RNF128: variants seen among roughly 807,000 people sequenced by gnomAD.
RNF128 encodes the protein E3 ubiquitin-protein ligase RNF128.
RNF128 carries 13 observed loss-of-function variants against 26.2 expected under a neutral mutation model. The ratio of observed to expected loss-of-function variants is 0.50; its 90% CI spans 0.32 to 0.79. The LOEUF (loss-of-function observed/expected upper bound fraction) is 0.79, where lower values mean the gene tolerates loss of function less well. Among genes scored for constraint, RNF128 ranks in the 30% least tolerant of loss-of-function variants. The probability of loss-of-function intolerance (pLI) is 0.03; values close to 1 mark genes in which losing one functional copy is unlikely to be tolerated. For synonymous variants in RNF128, 149 were observed against 142.5 expected (o/e 1.05, Z -0.32); for missense variants, 315 against 349.7 (o/e 0.90, Z 0.79).
chrX:106,788,408 TA>T (rs1930716295), intron 4 of RNF128, among the ~76,000 whole-genome samples: 1 of 47,875 alleles, frequency 2.1e-5, no homozygotes, highest in Non-Finnish European at 3.4e-5. Flanking sequence ...ATATATAATA[TA>T]TAATATATAA....
chrX:106,771,523 G>A (rs1385249219), intron 1 of RNF128, among the ~76,000 whole-genome samples: 3 of 112,840 alleles, frequency 2.7e-5, no homozygotes, highest in Non-Finnish European at 3.8e-5. Flanking sequence ...AGCAGTGAGC[G>A]AGGCTCCATG....
At chrX:106,735,611 A>G (rs1373698696) in intron 1 of RNF128, among the ~76,000 whole-genome samples, 2 of 111,876 alleles carry the variant, frequency 1.8e-5, no homozygotes, top group Non-Finnish European at 3.8e-5. Flanking sequence ...ATACTCCAAA[A>G]TTATTGATAG....
intron 1 of RNF128, among the ~76,000 whole-genome samples, chrX:106,757,748 TA>T (rs201834617): frequency 0.013 from 1,384 of 110,160 alleles, 24 homozygotes; most frequent in African/African-American, 0.043. Context: ...AAAATAAATT[TA>T]AAAAAAACCC....
intron 1 of RNF128, among the ~76,000 whole-genome samples, chrX:106,768,468 A>G (rs1930296588): frequency 9.0e-6 from 1 of 111,719 alleles, no homozygotes; most frequent in Admixed American, 9.5e-5. Context: ...CGAGGAATTT[A>G]TCCATTTCTT....
intron 1 of RNF128, among the ~76,000 whole-genome samples, chrX:106,695,590 G>T (rs188997523): frequency 4.5e-5 from 5 of 111,937 alleles, no homozygotes; most frequent in Non-Finnish European, 9.4e-5. Context: ...GACACTGCAA[G>T]AGCTCAGACA....
chrX:106,774,390 T>G (rs1302970172), intron 2 of RNF128, among the ~76,000 whole-genome samples: 1 of 111,881 alleles, frequency 8.9e-6, no homozygotes, highest in Non-Finnish European at 1.9e-5. Context: ...TTTTTGTCTT[T>G]TGTATACTCA....
At chrX:106,729,795 T>C (rs978688877) in intron 1 of RNF128, among the ~76,000 whole-genome samples, 7 of 112,109 alleles carry the variant, frequency 6.2e-5, no homozygotes, top group Non-Finnish European at 1.3e-4. Flanking sequence ...TCACTGCATA[T>C]TATCCACATG....
chrX:106,740,387 A>G (rs1381275797), intron 1 of RNF128, among the ~76,000 whole-genome samples: 1 of 111,480 alleles, frequency 9.0e-6, no homozygotes, highest in Non-Finnish European at 1.9e-5. Context: ...TTGTTTTACT[A>G]GTTCCACCTG....
intron 1 of RNF128, among the ~76,000 whole-genome samples, chrX:106,752,913 G>C (rs1332057454): frequency 9.0e-6 from 1 of 111,106 alleles, no homozygotes; most frequent in Non-Finnish European, 1.9e-5. Context: ...AAATGCAATT[G>C]ATATACCGAA....
chrX:106,740,931 A>G (rs182945152), intron 1 of RNF128, among the ~76,000 whole-genome samples: 81 of 111,404 alleles, frequency 7.3e-4, no homozygotes, highest in Non-Finnish European at 1.3e-3. Flanking sequence ...AAATAGTCCT[A>G]TCAGATTCTG....
intron 1 of RNF128, among the ~76,000 whole-genome samples, chrX:106,707,172 C>T (rs1046714233): frequency 5.4e-5 from 6 of 111,730 alleles, no homozygotes; most frequent in African/African-American, 1.9e-4. Context: ...TTAAAAAATA[C>T]ATAATTTCCA....
At chrX:106,738,536 G>C (rs1477679723) in intron 1 of RNF128, among the ~76,000 whole-genome samples, 1 of 111,687 alleles carries the variant, frequency 9.0e-6, no homozygotes, top group Non-Finnish European at 1.9e-5. Flanking sequence ...AAACTGAAAC[G>C]ACTATATTAT....
intron 1 of RNF128, among the ~76,000 whole-genome samples, chrX:106,699,094 G>T (rs1746812260): frequency 9.0e-6 from 1 of 111,717 alleles, no homozygotes; most frequent in African/African-American, 3.3e-5. Context: ...CTCCATCCAA[G>T]CCCAGGCCAA....
chrX:106,785,223 T>G, intron 3 of RNF128, 87 bp downstream of exon 3: 1 of 693,645 alleles, frequency 1.4e-6, no homozygotes, highest in Non-Finnish European at 2.1e-6. Context: ...TAAGTATGCT[T>G]TTATTGGCAT....
rs938733033 is a variant in RNF128 at position 106,796,492 on chromosome X, C to G, written c.*779C>G. The G allele has an allele frequency of 9.0e-6, 1 of 111,604 alleles. No homozygotes were observed. The highest frequency in any genetic ancestry group is 3.3e-5 in the African/African-American group (1 of 30,654). 9.2% of individuals were successfully genotyped at this position (111,604 alleles called of 1,213,427 possible). A position where few individuals can be genotyped will look rare whatever the true frequency, so the allele number is the denominator to read the frequency against. On this transcript the variant is annotated 3_prime_UTR_variant, in exon 7 of 7. Coordinates refer to ENST00000255499, the MANE Select transcript of RNF128 (RefSeq NM_194463.2). ...ATTGCTAATGACAGAGTAAGTAACA[C>G]TAATATTGGTCATTGATCTTCGTTC...
chrX:106,792,661 A>G (rs1445764394), intron 6 of RNF128, among the ~76,000 whole-genome samples: 2 of 111,307 alleles, frequency 1.8e-5, no homozygotes, highest in Admixed American at 9.6e-5. Flanking sequence ...AGGGGAGCCC[A>G]GTATAACTCC....
intron 1 of RNF128, among the ~76,000 whole-genome samples, chrX:106,743,824 T>C (rs1929744028): frequency 9.0e-6 from 1 of 111,511 alleles, no homozygotes; most frequent in African/African-American, 3.3e-5. Context: ...TGCAGCACTA[T>C]TCACAATAGC....
upstream of RNF128, among the ~76,000 whole-genome samples, chrX:106,723,501 A>AGGTT (rs1418432471): frequency 9.0e-6 from 1 of 111,231 alleles, no homozygotes; most frequent in African/African-American, 3.3e-5. Flanking sequence ...TGGGAGGCAG[A>AGGTT]GGTTGCAGTG....
intron 1 of RNF128, among the ~76,000 whole-genome samples, chrX:106,701,789 G>C (rs1928961647): frequency 9.0e-6 from 1 of 111,310 alleles, no homozygotes; most frequent in Non-Finnish European, 1.9e-5. Context: ...ATGGTGAATA[G>C]TAAAGAATAA....
Sources: allele counts gnomAD v4.1 joint callset (sites outside exome capture counted in the v4.1 genomes callset), GRCh38; gene constraint gnomAD v4.1.1; transcripts MANE v1.5; gene names NCBI Gene and HGNC (gene_info 2026-07-23, HGNC 2026-07-21).